Variants in KCTD8 observed in about 807,000 individuals in gnomAD.
The protein encoded by KCTD8 is potassium channel tetramerization domain containing 8.
KCTD8 carries 27 observed loss-of-function variants against 31.5 expected under a neutral mutation model. The ratio of observed to expected loss-of-function variants is 0.86; its 90% CI spans 0.63 to 1.18. The LOEUF is 1.18. Ranked by LOEUF, KCTD8 falls within the 50% of genes most tolerant of loss-of-function variation. The pLI is 0.00. For missense variants in KCTD8, 658 were observed against 647.7 expected (o/e 1.02, Z -0.17); for synonymous variants, 290 against 280.0 (o/e 1.04, Z -0.36).
chr4:44,225,678 T>C (rs1349061134), intron 1 of KCTD8, among the ~76,000 whole-genome samples: 1 of 152,138 alleles, frequency 6.6e-6, no homozygotes, highest in Non-Finnish European at 1.5e-5. Context: ...TTGAATTTTT[T>C]GTATAGGAAA....
rs373860257 is a variant in KCTD8 at position 44,341,374 on chromosome 4, C to T, written c.961+106189G>A. Among the ~76,000 whole-genome samples the T allele has an allele frequency of 1.2e-3, 176 of 152,202 alleles. 1 individual carries two copies. Among genetic ancestry groups the T allele is most frequent in the African/African-American group, 3.9e-3 (164 of 41,526 alleles). On this transcript the variant is annotated intron_variant, in intron 1 of 1. Transcript: ENST00000360029. Reference sequence around the variant, plus strand: ...TCAAATACAACAACAATGAAGATTGCCTCATTGATGGATTTTACAAAGGCT... The same window carrying T: ...TCAAATACAACAACAATGAAGATTGTCTCATTGATGGATTTTACAAAGGCT...
At chr4:44,242,130 T>A (rs13125463) in intron 1 of KCTD8, among the ~76,000 whole-genome samples, 73,515 of 151,996 alleles carry the variant, frequency 0.48, 17,932 homozygotes, top group East Asian at 0.54. Context: ...AGCAAAACTA[T>A]TATTTATGGA....
At position 44,297,354 on chromosome 4, in the gene KCTD8, A is replaced by G. The variant is rs538519927; in HGVS notation, c.962-122104T>C. ...GGACTGTTTTTCATCCAAAAAGCTTACTTTTTTGACATAACATGGTCCCCT... is the reference window on the plus strand; with the variant it reads ...GGACTGTTTTTCATCCAAAAAGCTTGCTTTTTTGACATAACATGGTCCCCT... On this transcript the variant is annotated intron_variant, in intron 1 of 1. Coordinates refer to ENST00000360029, the MANE Select transcript of KCTD8 (RefSeq NM_198353.3). 8.9e-4 allele frequency among the ~76,000 whole-genome samples: 135 copies of G among 152,194 alleles called. 1 individual carries two copies. The highest frequency in any genetic ancestry group is 3.0e-3 in the African/African-American group (123 of 41,566).
At chr4:44,446,427 C>A (rs2109488218) in intron 1 of KCTD8, among the ~76,000 whole-genome samples, 1 of 152,284 alleles carries the variant, frequency 6.6e-6, no homozygotes, top group African/African-American at 2.4e-5. Flanking sequence ...AAATAATGTT[C>A]CTGCTGCCAT....
chr4:44,177,922 AT>A (rs1282095653), intron 1 of KCTD8, among the ~76,000 whole-genome samples: 2 of 152,132 alleles, frequency 1.3e-5, no homozygotes, highest in Non-Finnish European at 2.9e-5. Context: ...TGGGTTTCTG[AT>A]AGATCCACTC....
At chr4:44,382,118 T>G (rs1026818795) in intron 1 of KCTD8, among the ~76,000 whole-genome samples, 5 of 151,960 alleles carry the variant, frequency 3.3e-5, no homozygotes, top group African/African-American at 1.2e-4. Flanking sequence ...GACTCTAATA[T>G]AATACTATTT....
At chr4:44,270,218 A>T (rs1260366287) in intron 1 of KCTD8, among the ~76,000 whole-genome samples, 1 of 152,214 alleles carries the variant, frequency 6.6e-6, no homozygotes, top group African/African-American at 2.4e-5. Context: ...ACCATAAAAA[A>T]TGATGAGTTC....
rs1720769357 is a variant in KCTD8 at position 44,405,421 on chromosome 4, G to C, written c.961+42142C>G. ...TGCAGGCACGTGCTTACCACGCCCA[G>C]CTAATTTTTGTATTTTTAGTAGAGA... On this transcript the variant is annotated intron_variant, in intron 1 of 1. Transcript: ENST00000360029. Among the ~76,000 whole-genome samples the C allele has an allele frequency of 2.0e-5, 3 of 151,992 alleles. No individual in the cohort carries two copies. The South Asian group carries it at 6.2e-4, about 32-fold the overall frequency.
rs190465355 is a variant in KCTD8, at chr4:44,364,995, A to T, written c.961+82568T>A. ...TCTGTATGAAACTGTAATGGTAGAT[A>T]CATGACATTGTACACTTTCCAAAAA... On this transcript the variant is annotated intron_variant, in intron 1 of 1. Coordinates refer to ENST00000360029, the MANE Select transcript of KCTD8 (RefSeq NM_198353.3). Among the ~76,000 whole-genome samples the T allele has an allele frequency of 4.6e-5, 7 of 152,272 alleles. No individual in the cohort carries two copies. In the East Asian group the frequency reaches 1.4e-3, roughly 29 times the overall value.
intron 1 of KCTD8, among the ~76,000 whole-genome samples, chr4:44,394,379 C>T (rs1216161280): frequency 1.3e-5 from 2 of 151,906 alleles, no homozygotes; most frequent in African/African-American, 4.8e-5. Context: ...ATGAACCCAA[C>T]ATAAAACCAT....
intron 1 of KCTD8, among the ~76,000 whole-genome samples, chr4:44,434,390 T>C (rs1273309473): frequency 1.3e-5 from 2 of 151,910 alleles, no homozygotes; most frequent in Admixed American, 1.3e-4. Context: ...ATATGTACTA[T>C]TATTCTGATA....
chr4:44,223,080 G>C (rs568344881), intron 1 of KCTD8, among the ~76,000 whole-genome samples: 1 of 152,318 alleles, frequency 6.6e-6, no homozygotes, highest in African/African-American at 2.4e-5. Context: ...ATGTTTTACA[G>C]TAATCCAGAT....
intron 1 of KCTD8, among the ~76,000 whole-genome samples, chr4:44,353,535 T>G (rs1161254881): frequency 6.6e-6 from 1 of 152,050 alleles, no homozygotes; most frequent in Non-Finnish European, 1.5e-5. Flanking sequence ...ACAGTTTCCC[T>G]ATCGTGCTTC....
intron 1 of KCTD8, among the ~76,000 whole-genome samples, chr4:44,444,793 C>A (rs1327667409): frequency 1.7e-5 from 2 of 116,504 alleles, no homozygotes; most frequent in South Asian, 5.2e-4. Context: ...GTGGGGGTGA[C>A]GGGGGTTGGG....
intron 1 of KCTD8, among the ~76,000 whole-genome samples, chr4:44,189,165 G>A (rs1036377355): frequency 6.6e-6 from 1 of 152,006 alleles, no homozygotes; most frequent in Non-Finnish European, 1.5e-5. Flanking sequence ...GTTTCTTTAA[G>A]CTCCTATAGT....
chr4:44,312,178 C>G (rs1474965294), intron 1 of KCTD8, among the ~76,000 whole-genome samples: 1 of 152,032 alleles, frequency 6.6e-6, no homozygotes, highest in Non-Finnish European at 1.5e-5. Flanking sequence ...ATATATAGAG[C>G]TCTTTGGGAG....
intron 1 of KCTD8, among the ~76,000 whole-genome samples, chr4:44,300,376 C>T (rs1468226565): frequency 6.6e-6 from 1 of 152,018 alleles, no homozygotes; most frequent in Non-Finnish European, 1.5e-5. Flanking sequence ...CATGAGAAAA[C>T]GTTTTCTGTA....
intron 1 of KCTD8, among the ~76,000 whole-genome samples, chr4:44,366,480 T>G (rs914431192): frequency 9.2e-5 from 14 of 152,218 alleles, no homozygotes; most frequent in African/African-American, 3.4e-4. Context: ...CTCTTTGCCT[T>G]CTGCTATGAT....
intron 1 of KCTD8, among the ~76,000 whole-genome samples, chr4:44,199,996 A>G (rs1426704489): frequency 2.0e-5 from 3 of 151,926 alleles, no homozygotes; most frequent in Middle Eastern, 3.4e-3. Context: ...GACAGAAATA[A>G]AAAAAGATCC....
Sources: gnomAD v4.1 joint callset for allele counts (sites outside exome capture counted in the v4.1 genomes callset) on GRCh38, gnomAD v4.1.1 for gene constraint, MANE v1.5 for transcripts, NCBI Gene and HGNC (gene_info 2026-07-23, HGNC 2026-07-21) for gene names.